The following PIP5K1A variants were observed in gnomAD, a reference collection of about 807,000 sequenced individuals.
The protein encoded by PIP5K1A is phosphatidylinositol 4-phosphate 5-kinase type-1 alpha.
PIP5K1A carries 46 observed loss-of-function variants against 72.9 expected under a neutral mutation model. The ratio of observed to expected loss-of-function variants is 0.63; its 90% CI spans 0.50 to 0.81. The LOEUF is 0.81. PIP5K1A is among the 30% of genes least tolerant of loss of function. PIP5K1A has a pLI of 0.00. For synonymous variants in PIP5K1A, 228 were observed against 255.1 expected, an observed-to-expected ratio of 0.89 and a Z score of 1.01; for missense variants, 458 against 706.1, an observed-to-expected ratio of 0.65 and a Z score of 3.98.
At chr1:151,237,955 C>A (rs1691126622) in intron 9 of PIP5K1A, among the ~76,000 whole-genome samples, 1 of 152,014 alleles carries the variant, frequency 6.6e-6, no homozygotes, top group African/African-American at 2.4e-5. Flanking sequence ...TTGGAGAAAA[C>A]TAGATTATAA....
chr1:151,231,791 T>C lies in PIP5K1A; in HGVS notation c.358T>C (p.Phe120Leu), dbSNP rs780521602. 16 of 1,613,956 alleles carry C rather than the reference T, an allele frequency of 9.9e-6. No individual in the cohort carries two copies. In the East Asian group the frequency reaches 1.6e-4, roughly 16 times the overall value. ...MQDFYVVESI[F>L]FPSEGSNLTP... The stretch of plus-strand genomic sequence containing the variant: ...AGATTTCTACGTGGTTGAGAGTATC[T>C]TCTTTCCCAGGTACAGAGTTTAATG... The change falls in exon 5 of 16, where the codon TTC becomes CTC. Residue 120 changes from phenylalanine (F) to leucine (L), a missense_variant. Phe to Leu is a conservative substitution (Grantham distance 22). Transcript: ENST00000368888.
At chr1:151,234,517 T>C (rs751131960) in intron 8 of PIP5K1A, 21 bp downstream of exon 8, 1 of 1,599,498 alleles carries the variant, frequency 6.3e-7, no homozygotes, top group South Asian at 1.1e-5. Flanking sequence ...TACTTAGACA[T>C]CAAAAATCTC....
intron 1 of PIP5K1A, 95 bp from the exon 2 acceptor site, chr1:151,224,150 T>A: frequency 9.2e-7 from 1 of 1,087,750 alleles, no homozygotes; most frequent in South Asian, 1.2e-5. Flanking sequence ...TTTATACTTA[T>A]GTTTAGTTTG....
intron 1 of PIP5K1A, among the ~76,000 whole-genome samples, chr1:151,211,748 G>A (rs1686831240): frequency 6.6e-6 from 1 of 151,798 alleles, no homozygotes; most frequent in Non-Finnish European, 1.5e-5. Flanking sequence ...GGAGCTTGCA[G>A]TGAGCCAAGA....
intron 1 of PIP5K1A, chr1:151,215,877 G>A (rs1687517394): frequency 1.5e-6 from 1 of 654,872 alleles, no homozygotes; most frequent in Admixed American, 2.4e-5. Context: ...TTAAACTTTA[G>A]AGTTTTAAAA....
rs1684817440 is a variant in PIP5K1A, at chr1:151,199,051, C to T, written c.55C>T (p.Pro19Ser). Residue 19 changes from proline to serine, a missense_variant, in exon 1 of 16, where the codon CCC becomes TCC. By Grantham distance (74) the Pro-to-Ser change is moderately conservative. This residue lies in a region of PIP5K1A where 81 missense variants were observed against 88.0 expected (regional missense o/e 0.92). Transcript: ENST00000368888. ...TTCGGTCGGTTTTTCATCCTTTGAT[C>T]CCGCGGTCCCTTCCTGTACCTTGTC... ...SSSVGFSSFD[P>S]AVPSCTLSSA... 6.2e-7 allele frequency: 1 copy of T among 1,614,172 alleles called. No homozygotes were observed. The highest frequency in any genetic ancestry group is 8.5e-7 in the Non-Finnish European group (1 of 1,180,030).
chr1:151,247,004 A>G (rs759020098), intron 15 of PIP5K1A, 39 bp downstream of exon 15: 10 of 1,469,278 alleles, frequency 6.8e-6, no homozygotes, highest in Non-Finnish European at 4.7e-6. Flanking sequence ...ACGTTTTGCA[A>G]GGTATAAAGA....
In PIP5K1A at chr1:151,201,780, T is replaced by G. The variant is rs147382949; in HGVS notation, c.85+2699T>G. 4.5e-3 allele frequency among the ~76,000 whole-genome samples: 686 copies of G among 152,002 alleles called. 6 individuals carry two copies. Among genetic ancestry groups the G allele is most frequent in the African/African-American group, 0.016 (651 of 41,506 alleles). ...AGGAGGCTGAGTCAGGAGAATTGCTTGAACCCGGGAGGCAGAGGTTGCAGT... is the reference window on the plus strand; with the variant it reads ...AGGAGGCTGAGTCAGGAGAATTGCTGGAACCCGGGAGGCAGAGGTTGCAGT... On this transcript the variant is annotated intron_variant, in intron 1 of 15. Coordinates refer to ENST00000368888, the MANE Select transcript of PIP5K1A (RefSeq NM_001135638.2).
chr1:151,230,855 C>G (rs1689943748), intron 4 of PIP5K1A, among the ~76,000 whole-genome samples: 1 of 152,216 alleles, frequency 6.6e-6, no homozygotes, highest in South Asian at 2.1e-4. Context: ...ACCCTGTTGG[C>G]CTTGAGACAC....
upstream of PIP5K1A, among the ~76,000 whole-genome samples, chr1:151,197,193 C>T (rs2101749901): frequency 6.6e-6 from 1 of 151,118 alleles, no homozygotes; most frequent in South Asian, 2.1e-4. Context: ...TGTTCGGGTC[C>T]TAGGTTACTT....
chr1:151,236,832 T>C, intron 9 of PIP5K1A, 69 bp downstream of exon 9: 1 of 1,089,668 alleles, frequency 9.2e-7, no homozygotes, highest in African/African-American at 1.6e-5. Context: ...TTTTTTTTTT[T>C]TTTTTTTTTT....
intron 1 of PIP5K1A, chr1:151,216,025 A>G (rs1266453186): frequency 1.6e-6 from 2 of 1,240,634 alleles, no homozygotes; most frequent in South Asian, 1.3e-5. Context: ...TATCTGTGCT[A>G]AAGAAGCATG....
intron 8 of PIP5K1A, among the ~76,000 whole-genome samples, chr1:151,236,035 C>T (rs751992569): frequency 6.7e-6 from 1 of 149,696 alleles, no homozygotes; most frequent in East Asian, 2.0e-4. Context: ...GCAGGAAAAT[C>T]GCTTGAACCA....
chr1:151,196,179 G>A (rs1451208764), upstream of PIP5K1A, among the ~76,000 whole-genome samples: 1 of 152,110 alleles, frequency 6.6e-6, no homozygotes, highest in African/African-American at 2.4e-5. Flanking sequence ...TTACAGGCGT[G>A]AGCCACCGCG....
At chr1:151,244,246 A>G (rs1184421551) in intron 14 of PIP5K1A, among the ~76,000 whole-genome samples, 1 of 151,868 alleles carries the variant, frequency 6.6e-6, no homozygotes, top group Non-Finnish European at 1.5e-5. Context: ...TTAGGCCTGT[A>G]CTTAACATGT....
intron 4 of PIP5K1A, among the ~76,000 whole-genome samples, chr1:151,227,716 C>T (rs893598379): frequency 2.2e-4 from 33 of 152,220 alleles, no homozygotes; most frequent in African/African-American, 7.9e-4. Flanking sequence ...CATGATGAAA[C>T]TCTGTCTCTA....
intron 14 of PIP5K1A, among the ~76,000 whole-genome samples, chr1:151,244,028 T>TTCC (rs1301214286): frequency 6.6e-6 from 1 of 151,896 alleles, no homozygotes; most frequent in Non-Finnish European, 1.5e-5. Context: ...TGAAAATACT[T>TTCC]GAGAGCCTGG....
Position 151,234,241 on chromosome 1 carries a change from A to T in PIP5K1A, c.684A>T (p.Gly228=). The part of the protein sequence containing the change: ...NPRTLLPKFY[G]LYCVQAGGKN... ...GGACTTTGCTGCCTAAATTCTATGG[A>T]CTGTACTGTGTGCAGGCAGGTGGCA... Residue 228 remains glycine, a synonymous_variant, in exon 8 of 16, where the codon GGA becomes GGT. Coordinates refer to ENST00000368888, the MANE Select transcript of PIP5K1A (RefSeq NM_001135638.2). The T allele has an allele frequency of 6.2e-7, 1 of 1,614,028 alleles. No homozygotes were observed. Among genetic ancestry groups the T allele is most frequent in the Non-Finnish European group, 8.5e-7 (1 of 1,179,912 alleles).
At chr1:151,245,578 C>A (rs1430494142) in intron 14 of PIP5K1A, among the ~76,000 whole-genome samples, 2 of 152,194 alleles carry the variant, frequency 1.3e-5, no homozygotes, top group Non-Finnish European at 2.9e-5. Flanking sequence ...CTCTGTCACC[C>A]AGGCTAGAAT....
Sources: gnomAD v4.1 joint callset for allele counts (sites outside exome capture counted in the v4.1 genomes callset) on GRCh38, gnomAD v4.1.1 for gene constraint, gnomAD v4.1.1 regional missense constraint, MANE v1.5 for transcripts, NCBI Gene and HGNC (gene_info 2026-07-23, HGNC 2026-07-21) for gene names.